Variants in LRP1B observed in about 807,000 individuals in gnomAD.
LRP1B encodes the protein LDL receptor related protein 1B, also known as low-density lipoprotein receptor-related protein 1B.
Under a neutral mutation model 556.6 loss-of-function variants are expected in LRP1B, and 217 were observed. That is an observed-to-expected ratio of 0.39 (90% confidence interval 0.35 to 0.44). The LOEUF (loss-of-function observed/expected upper bound fraction) is 0.44, where lower values mean the gene tolerates loss of function less well. Among genes scored for constraint, LRP1B ranks in the 20% least tolerant of loss-of-function variants. The pLI is 1.00. For missense variants in LRP1B, 5,053 were observed against 5,620.8 expected (o/e 0.90, Z 3.23); for synonymous variants, 2,047 against 1,865.8 (o/e 1.10, Z -2.50).
intron 1 of LRP1B, among the ~76,000 whole-genome samples, chr2:141,960,172 T>A (rs1558987863): frequency 6.6e-6 from 1 of 151,698 alleles, no homozygotes; most frequent in East Asian, 1.9e-4. Context: ...TGGAGATAGC[T>A]TGTAATTTGG....
intron 2 of LRP1B, among the ~76,000 whole-genome samples, chr2:141,746,533 G>T (rs565548516): frequency 4.4e-4 from 67 of 152,158 alleles, no homozygotes; most frequent in African/African-American, 1.6e-3. Context: ...TGGGAGAGGG[G>T]TGGCATCCTC....
chr2:141,108,967 T>C (rs1236564516), intron 7 of LRP1B, among the ~76,000 whole-genome samples: 1 of 152,198 alleles, frequency 6.6e-6, no homozygotes, highest in East Asian at 1.9e-4. Context: ...TGCTAAGGTA[T>C]AGGTGGAGTT....
chr2:141,032,826 C>CATATATATATATAT (rs71391641), intron 11 of LRP1B, among the ~76,000 whole-genome samples: 3,897 of 126,604 alleles, frequency 0.031, 148 homozygotes, highest in East Asian at 0.12. Context: ...TATATACATA[C>CATATATATATATAT]ATATATATAT....
intron 35 of LRP1B, among the ~76,000 whole-genome samples, chr2:140,727,500 T>C (rs566305055): frequency 3.9e-5 from 6 of 152,296 alleles, no homozygotes; most frequent in African/African-American, 1.4e-4. Flanking sequence ...TCAGTGAAGG[T>C]CATCAGGGAT....
At chr2:140,586,838 G>A (rs957999230) in intron 43 of LRP1B, among the ~76,000 whole-genome samples, 12 of 151,862 alleles carry the variant, frequency 7.9e-5, no homozygotes, top group African/African-American at 2.4e-4. Context: ...TCATCATACC[G>A]AGAACTAGGA....
chr2:141,851,980 G>A (rs999740735), intron 1 of LRP1B, among the ~76,000 whole-genome samples: 13 of 151,774 alleles, frequency 8.6e-5, no homozygotes, highest in African/African-American at 2.9e-4. Flanking sequence ...AAACCTCATT[G>A]TTTCCAATCC....
intron 1 of LRP1B, among the ~76,000 whole-genome samples, chr2:141,952,694 C>T (rs1701139355): frequency 1.3e-5 from 2 of 152,122 alleles, no homozygotes; most frequent in African/African-American, 2.4e-5. Context: ...CCAAATTGCA[C>T]TCTTAAAAGG....
intron 4 of LRP1B, among the ~76,000 whole-genome samples, chr2:141,249,054 T>A (rs2105330896): frequency 1.3e-5 from 2 of 152,256 alleles, no homozygotes; most frequent in Admixed American, 1.3e-4. Context: ...GATAACGAAT[T>A]TGATTTCACT....
intron 2 of LRP1B, among the ~76,000 whole-genome samples, chr2:141,741,263 C>CT (rs11326947): frequency 0.031 from 1,806 of 57,994 alleles, 210 homozygotes; most frequent in African/African-American, 0.044. Context: ...TACTGATTTC[C>CT]TTTTTTTTTT....
intron 2 of LRP1B, among the ~76,000 whole-genome samples, chr2:141,518,684 C>T (rs1275737292): frequency 1.3e-5 from 2 of 152,164 alleles, no homozygotes; most frequent in Non-Finnish European, 1.5e-5. Context: ...CATGGTGGCT[C>T]ACGCCTGTAA....
At chr2:141,753,937 A>G (rs2105575529) in intron 2 of LRP1B, among the ~76,000 whole-genome samples, 1 of 152,236 alleles carries the variant, frequency 6.6e-6, no homozygotes, top group Admixed American at 6.5e-5. Flanking sequence ...GTGTACATGC[A>G]CACAGTAGAT....
chr2:141,197,873 A>C (rs1681821748), intron 6 of LRP1B, among the ~76,000 whole-genome samples: 1 of 152,130 alleles, frequency 6.6e-6, no homozygotes, highest in South Asian at 2.1e-4. Flanking sequence ...TGATGGCAGA[A>C]ATTTTGAAGA....
At chr2:140,887,496 T>C (rs1573845136) in intron 23 of LRP1B, among the ~76,000 whole-genome samples, 1 of 152,146 alleles carries the variant, frequency 6.6e-6, no homozygotes, top group Admixed American at 6.5e-5. Context: ...TTTCATACCA[T>C]AGACAAAAAC....
intron 2 of LRP1B, among the ~76,000 whole-genome samples, chr2:141,608,192 C>G (rs1459487354): frequency 6.6e-6 from 1 of 152,056 alleles, no homozygotes; most frequent in Non-Finnish European, 1.5e-5. Context: ...CCATTTCACT[C>G]CAGCCTGGGC....
chr2:141,853,105 A>C (rs1211403615), intron 1 of LRP1B, among the ~76,000 whole-genome samples: 2 of 151,684 alleles, frequency 1.3e-5, no homozygotes, highest in African/African-American at 4.8e-5. Flanking sequence ...GTTGTTAGCT[A>C]CCCATCCAAA....
intron 2 of LRP1B, among the ~76,000 whole-genome samples, chr2:141,573,860 A>C (rs562013524): frequency 6.6e-6 from 1 of 152,186 alleles, no homozygotes; most frequent in Non-Finnish European, 1.5e-5. Flanking sequence ...AAATGGATGA[A>C]TTGCTGGACA....
At chr2:141,613,086 G>A (rs746782980) in intron 2 of LRP1B, among the ~76,000 whole-genome samples, 2 of 152,132 alleles carry the variant, frequency 1.3e-5, no homozygotes, top group Non-Finnish European at 2.9e-5. Flanking sequence ...GGGATTATAG[G>A]CATGAGCCAC....
chr2:140,976,112 A>G (rs561228256), intron 18 of LRP1B, among the ~76,000 whole-genome samples: 1 of 151,698 alleles, frequency 6.6e-6, no homozygotes, highest in African/African-American at 2.4e-5. Context: ...TAGAGATGGG[A>G]TCTGGCCATG....
intron 35 of LRP1B, among the ~76,000 whole-genome samples, chr2:140,767,014 GAA>G (rs1689145641): frequency 6.6e-6 from 1 of 151,404 alleles, no homozygotes; most frequent in Admixed American, 6.6e-5. Flanking sequence ...CCCAAAAAGG[GAA>G]ACAGAGCCTC....
Sources: gnomAD v4.1 joint callset for allele counts (sites outside exome capture counted in the v4.1 genomes callset) on GRCh38, gnomAD v4.1.1 for gene constraint, MANE v1.5 for transcripts, NCBI Gene and HGNC (gene_info 2026-07-23, HGNC 2026-07-21) for gene names.